CDC27: variants seen among roughly 807,000 people sequenced by gnomAD.
CDC27 encodes the protein cell division cycle 27, also known as cell division cycle protein 27 homolog.
Under a neutral mutation model 109.7 loss-of-function variants are expected in CDC27, and 27 were observed. The observed-to-expected ratio is 0.25, with a 90% CI of 0.18 to 0.34. The LOEUF (loss-of-function observed/expected upper bound fraction) is 0.34. Ranked by LOEUF, CDC27 falls within the 10% of genes least tolerant of loss-of-function variation. CDC27 has a pLI of 1.00. For synonymous variants in CDC27, 266 were observed against 333.9 expected (o/e 0.80, Z 2.22); for missense variants, 579 against 960.2 (o/e 0.60, Z 5.25).
At chr17:47,175,154 A>G (rs2063959916) in intron 2 of CDC27, among the ~76,000 whole-genome samples, 1 of 151,234 alleles carries the variant, frequency 6.6e-6, no homozygotes, top group Non-Finnish European at 1.5e-5. Flanking sequence ...TGGCTTCAAA[A>G]TTGGAAAGGT....
At chr17:47,160,733 C>T (rs371568135) in intron 4 of CDC27, among the ~76,000 whole-genome samples, 1 of 152,186 alleles carries the variant, frequency 6.6e-6, no homozygotes, top group Non-Finnish European at 1.5e-5. Flanking sequence ...AGATCCTCAA[C>T]TGAAACTATC....
chr17:47,128,908 C>A (rs1198616334), intron 16 of CDC27, among the ~76,000 whole-genome samples: 9 of 151,794 alleles, frequency 5.9e-5, no homozygotes, highest in Admixed American at 2.0e-4. Flanking sequence ...GTAGCTGAGA[C>A]TTACAGGCAC....
intron 13 of CDC27, among the ~76,000 whole-genome samples, chr17:47,137,876 A>G (rs563130520): frequency 6.6e-6 from 1 of 151,656 alleles, no homozygotes; most frequent in South Asian, 2.1e-4. Flanking sequence ...TCTTGGCTCA[A>G]TGCAACCTCC....
intron 15 of CDC27, 111 bp from the exon 16 acceptor site, chr17:47,129,632 G>T: frequency 3.2e-6 from 2 of 634,512 alleles, no homozygotes; most frequent in Non-Finnish European, 5.4e-6. Context: ...TAAGGTTGTA[G>T]GGTCTAACTG....
chr17:47,164,288 A>G (rs2063580485), intron 4 of CDC27, among the ~76,000 whole-genome samples: 1 of 152,238 alleles, frequency 6.6e-6, no homozygotes, highest in Admixed American at 6.5e-5. Flanking sequence ...TGACAAAATC[A>G]CCTAAGGACA....
At chr17:47,145,770 G>A (rs917062149) in intron 9 of CDC27, among the ~76,000 whole-genome samples, 22 of 152,094 alleles carry the variant, frequency 1.4e-4, no homozygotes, top group African/African-American at 4.6e-4. Context: ...GCATGATGGC[G>A]GGTGCCTGTA....
Position 47,130,116 on chromosome 17 carries a change from C to T in CDC27, c.2032-595G>A, listed in dbSNP as rs561376334. Among the ~76,000 whole-genome samples the T allele has an allele frequency of 1.2e-4, 19 of 152,276 alleles. No homozygotes were observed. The East Asian group carries it at 1.7e-3, about 14-fold the overall frequency. On this transcript the variant is annotated intron_variant, in intron 15 of 18. Coordinates refer to ENST00000066544, the MANE Select transcript of CDC27 (RefSeq NM_001256.6). ...GTGACTCAGGCCTGTAATCTGAGCA[C>T]GTTGGGAGGCCAAGGCAGGTGGATC... is the stretch of plus-strand genomic sequence containing the variant.
intron 9 of CDC27, among the ~76,000 whole-genome samples, chr17:47,146,887 A>G (rs903215847): frequency 1.3e-5 from 2 of 152,040 alleles, no homozygotes; most frequent in Non-Finnish European, 2.9e-5. Context: ...CAACACAGCA[A>G]GACCCCATCT....
rs2062873664 is a variant in CDC27 at position 47,143,926 on chromosome 17, C to T, written c.1127G>A (p.Arg376Gln). 1.3e-6 allele frequency: 2 copies of T among 1,497,008 alleles called. No homozygotes were observed. Among genetic ancestry groups the T allele is most frequent in the Non-Finnish European group, 1.8e-6 (2 of 1,116,324 alleles). The allele number at this position is 1,497,008 out of a possible 1,614,324, so 92.7% of individuals were successfully genotyped here. The part of the protein sequence containing the change: ...TITSPPNALP[R>Q]RSSRLFTSDS... The stretch of plus-strand genomic sequence containing the variant: ...ACTAGTAAAGAGTCGTGAACTTCTT[C>T]GAGGCAGTGCGTTTGGGGGAGATGT... Residue 376 changes from arginine to glutamine, a missense_variant, in exon 10 of 19, where the codon CGA becomes CAA. Arg to Gln is a conservative substitution (Grantham distance 43). Around this residue, in one of 9 missense-constraint regions of CDC27, gnomAD observed 51 missense variants for 43.8 expected, o/e 1.16. Transcript: ENST00000066544.
intron 2 of CDC27, among the ~76,000 whole-genome samples, chr17:47,173,477 T>C (rs1952879521): frequency 6.6e-6 from 1 of 152,188 alleles, no homozygotes; most frequent in South Asian, 2.1e-4. Flanking sequence ...TGATTTCCTC[T>C]AGATTTTACA....
At chr17:47,140,070 G>GA (rs1161518310) in intron 12 of CDC27, 3 of 152,116 alleles carry the variant, frequency 2.0e-5, no homozygotes, top group African/African-American at 7.2e-5. Context: ...GAGTATGACA[G>GA]AAAATAAGAG....
chr17:47,180,277 C>G (rs1290110132), intron 2 of CDC27, among the ~76,000 whole-genome samples: 1 of 151,912 alleles, frequency 6.6e-6, no homozygotes, highest in Non-Finnish European at 1.5e-5. Context: ...CTAAGCCTTC[C>G]ATTCCTTCTC....
chr17:47,133,062 T>TATATAC (rs373677958), intron 14 of CDC27, among the ~76,000 whole-genome samples: 2,059 of 71,546 alleles, frequency 0.029, 50 homozygotes, highest in Non-Finnish European at 0.032. Flanking sequence ...CACATACATA[T>TATATAC]ACACACACAC....
chr17:47,157,437 G>C (rs2063351765), intron 5 of CDC27, 53 bp from the exon 6 acceptor site: 7 of 1,397,284 alleles, frequency 5.0e-6, no homozygotes, highest in Non-Finnish European at 6.0e-6. Flanking sequence ...AGGAATACAT[G>C]TTTTTCAAGT....
At position 47,164,298 on chromosome 17, in the gene CDC27, AC is replaced by A. The variant is rs2063580785; in HGVS notation, c.377+5618del. 2.0e-5 allele frequency among the ~76,000 whole-genome samples: 3 copies of A among 152,360 alleles called. No homozygotes were observed. The South Asian group carries it at 6.2e-4, about 32-fold the overall frequency. On this transcript the variant is annotated intron_variant, in intron 4 of 18. Coordinates refer to ENST00000066544, the MANE Select transcript of CDC27 (RefSeq NM_001256.6). ...ACAAATGACAAAATCACCTAAGGAC[AC>A]ATTTCTCAGAACAAATCCCCATCAT... is the stretch of plus-strand genomic sequence containing the variant.
chr17:47,131,389 T>G (rs1373343145), intron 15 of CDC27, among the ~76,000 whole-genome samples: 1 of 152,196 alleles, frequency 6.6e-6, no homozygotes, highest in Non-Finnish European at 1.5e-5. Context: ...AAAATTATCA[T>G]GGTCAATGTC....
At position 47,158,383 on chromosome 17, in the gene CDC27, T is replaced by G. The variant is rs184963221; in HGVS notation, c.378-80A>C. 2,448 of 597,140 alleles carry G rather than the reference T, an allele frequency of 4.1e-3. 21 individuals are homozygous for G. The highest frequency in any genetic ancestry group is 3.1e-3 in the Non-Finnish European group (1,188 of 383,198). 37.0% of individuals were successfully genotyped at this position (597,140 alleles called of 1,614,324 possible). A position where few individuals can be genotyped will look rare whatever the true frequency, so the allele number is the denominator to read the frequency against. ...TAAACTTTTAGTATAAAAAATTAGG[T>G]AAAAGTTACAGAAGTTCAGAGAGCA... On this transcript the variant is annotated intron_variant, in intron 4 of 18. Coordinates refer to ENST00000066544, the MANE Select transcript of CDC27 (RefSeq NM_001256.6).
intron 1 of CDC27, among the ~76,000 whole-genome samples, chr17:47,185,316 C>A (rs1177891231): frequency 6.6e-6 from 1 of 151,890 alleles, no homozygotes; most frequent in Non-Finnish European, 1.5e-5. Context: ...GTAGCTGGGA[C>A]TACAGGTGCC....
chr17:47,149,953 T>TAAAACA lies in CDC27; in HGVS notation c.1070+1847_1070+1852dup, dbSNP rs928481805. 5.5e-4 allele frequency among the ~76,000 whole-genome samples: 84 copies of TAAAACA among 151,786 alleles called. 1 individual carries two copies. Among genetic ancestry groups the TAAAACA allele is most frequent in the Admixed American group, 9.8e-4 (15 of 15,244 alleles). ...CTGGGTAACAGAGCGAAACTCCGTC[T>TAAAACA]AAAACAAAAACAAAAACAAAAACAA... On this transcript the variant is annotated intron_variant, in intron 9 of 18. Transcript: ENST00000066544.
Sources: gnomAD v4.1 joint callset for allele counts (sites outside exome capture counted in the v4.1 genomes callset) on GRCh38, gnomAD v4.1.1 for gene constraint, gnomAD v4.1.1 regional missense constraint, MANE v1.5 for transcripts, NCBI Gene and HGNC (gene_info 2026-07-23, HGNC 2026-07-21) for gene names.